Variants in KIAA0232 observed in about 807,000 individuals in gnomAD.
The protein encoded by KIAA0232 is uncharacterized protein KIAA0232.
KIAA0232 carries 27 observed loss-of-function variants against 122.0 expected under a neutral mutation model. The ratio of observed to expected loss-of-function variants is 0.22; its 90% confidence interval spans 0.16 to 0.31. The LOEUF is 0.31. Among genes scored for constraint, KIAA0232 ranks in the 10% least tolerant of loss-of-function variants. The pLI is 1.00. For missense variants in KIAA0232, 1,551 were observed against 1,634.2 expected (o/e 0.95, Z 0.88); for synonymous variants, 613 against 587.6 (o/e 1.04, Z -0.63).
chr4:6,827,986 C>G (rs1718780333), intron 3 of KIAA0232, among the ~76,000 whole-genome samples: 1 of 152,096 alleles, frequency 6.6e-6, no homozygotes, highest in Admixed American at 6.6e-5. Context: ...TCTCACCCAT[C>G]TTTCAAAGCG....
intron 1 of KIAA0232, among the ~76,000 whole-genome samples, chr4:6,783,187 G>GGGCCAGCCGAGGGAGGCCT (rs1215060935): frequency 1.3e-5 from 2 of 152,182 alleles, no homozygotes; most frequent in African/African-American, 2.4e-5. Flanking sequence ...GATGGCTCCG[G>GGGCCAGCCGAGGGAGGCCT]GGCCAGCCGA....
chr4:6,834,226 T>G (rs558533127), intron 3 of KIAA0232, among the ~76,000 whole-genome samples: 2 of 152,338 alleles, frequency 1.3e-5, no homozygotes, highest in South Asian at 4.1e-4. Context: ...TAGCTGGCAC[T>G]ACAGCTGTCT....
intron 7 of KIAA0232, among the ~76,000 whole-genome samples, chr4:6,868,905 T>C (rs1276363241): frequency 6.6e-6 from 1 of 152,170 alleles, no homozygotes. Context: ...AAATTTATGG[T>C]AGAAACTGGT....
intron 2 of KIAA0232, among the ~76,000 whole-genome samples, chr4:6,819,497 T>TA (rs1718318276): frequency 2.6e-5 from 4 of 151,950 alleles, no homozygotes; most frequent in Non-Finnish European, 4.4e-5. Context: ...AACAAATGTA[T>TA]AAAAAAAGTT....
chr4:6,865,118 C>T (rs1721101219), intron 7 of KIAA0232, among the ~76,000 whole-genome samples: 1 of 152,262 alleles, frequency 6.6e-6, no homozygotes, highest in South Asian at 2.1e-4. Context: ...TAATGAGAGT[C>T]ATTGTACCTC....
At chr4:6,836,651 A>C (rs1719296354) in intron 3 of KIAA0232, among the ~76,000 whole-genome samples, 1 of 150,510 alleles carries the variant, frequency 6.6e-6, no homozygotes, top group African/African-American at 2.4e-5. Flanking sequence ...GCAGATAAAC[A>C]TGTGAACAAA....
At chr4:6,870,892 G>C (rs537507572) in intron 7 of KIAA0232, among the ~76,000 whole-genome samples, 2 of 152,038 alleles carry the variant, frequency 1.3e-5, no homozygotes, top group African/African-American at 2.4e-5. Flanking sequence ...GGTTCCCCCT[G>C]TTCTCTTCAG....
rs975920953 is a variant in KIAA0232, at chr4:6,884,135, TAAAAG to T, written c.*3174_*3178del. On this transcript the variant is annotated 3_prime_UTR_variant, in exon 10 of 10. Coordinates refer to ENST00000307659, the MANE Select transcript of KIAA0232 (RefSeq NM_014743.3). Reference sequence around the variant, plus strand: ...TTTAAAAGTTCATGGAAAATGGAATTAAAAGAAAAATAAAAAAATATAAACTTTAT... The same window carrying T: ...TTTAAAAGTTCATGGAAAATGGAATTAAAAATAAAAAAATATAAACTTTAT... The T allele has an allele frequency of 3.9e-5, 6 of 152,098 alleles. No homozygotes were observed. Among genetic ancestry groups the T allele is most frequent in the Non-Finnish European group, 7.4e-5 (5 of 68,020 alleles). 9.4% of individuals were successfully genotyped at this position (152,098 alleles called of 1,614,324 possible). A position where few individuals can be genotyped will look rare whatever the true frequency, so the allele number is the denominator to read the frequency against.
Position 6,858,522 on chromosome 4 carries a change from T to C in KIAA0232, c.518+16T>C. ...AAGTGGAAATGTATGTAAGATTGTA[T>C]TCGGTAATAAAGTGTGCATTTGTTA... On this transcript the variant is annotated intron_variant, in intron 6 of 9. Coordinates refer to ENST00000307659, the MANE Select transcript of KIAA0232 (RefSeq NM_014743.3). The C allele has an allele frequency of 1.3e-6, 2 of 1,547,172 alleles. No individual in the cohort carries two copies. Among genetic ancestry groups the C allele is most frequent in the Non-Finnish European group, 8.9e-7 (1 of 1,127,042 alleles).
chr4:6,807,380 T>TA (rs1198701620), intron 2 of KIAA0232, among the ~76,000 whole-genome samples: 1 of 152,364 alleles, frequency 6.6e-6, no homozygotes, highest in East Asian at 1.9e-4. Context: ...CATATATACT[T>TA]ACGTGTTTAT....
At position 6,800,280 on chromosome 4, in the gene KIAA0232, A is replaced by G. The variant is rs183682464; in HGVS notation, c.-353-4243A>G. On this transcript the variant is annotated intron_variant, in intron 1 of 9. Transcript: ENST00000307659. ...ACCATTTTTGCCAGGCTGGTCTCGA[A>G]CTCCTGACCTCAGGTGATCTGCCTG... 3.0e-3 allele frequency among the ~76,000 whole-genome samples: 420 copies of G among 141,370 alleles called. 1 individual carries two copies. The highest frequency in any genetic ancestry group is 5.3e-3 in the Non-Finnish European group (346 of 65,114). The allele number at this position is 141,370 out of a possible 152,430, so 92.7% of individuals were successfully genotyped here.
chr4:6,879,625 G>A (rs1255016752), intron 9 of KIAA0232, among the ~76,000 whole-genome samples: 1 of 152,220 alleles, frequency 6.6e-6, no homozygotes, highest in African/African-American at 2.4e-5. Flanking sequence ...CTATGGCAGG[G>A]TGAGGGGAGC....
chr4:6,798,057 CAAA>C (rs549805628), intron 1 of KIAA0232, among the ~76,000 whole-genome samples: 3 of 97,936 alleles, frequency 3.1e-5, no homozygotes. Context: ...GACTCCGTCT[CAAA>C]AAAAAAAAAA....
intron 2 of KIAA0232, among the ~76,000 whole-genome samples, chr4:6,809,640 T>C (rs1438470776): frequency 1.8e-5 from 1 of 54,868 alleles, no homozygotes; most frequent in African/African-American, 6.4e-5. Context: ...GGTCAAATTA[T>C]ATCCCTGTTT....
intron 3 of KIAA0232, among the ~76,000 whole-genome samples, chr4:6,831,737 G>A (rs769169866): frequency 2.0e-5 from 3 of 152,206 alleles, no homozygotes; most frequent in Non-Finnish European, 4.4e-5. Flanking sequence ...GCTCAGAGGG[G>A]AGGCCAGCAG....
chr4:6,786,619 T>A (rs897470241), intron 1 of KIAA0232, among the ~76,000 whole-genome samples: 2 of 152,262 alleles, frequency 1.3e-5, no homozygotes, highest in African/African-American at 4.8e-5. Flanking sequence ...AGATGAAGTA[T>A]TTTTAATAAA....
At position 6,824,504 on chromosome 4, in the gene KIAA0232, C is replaced by T; in HGVS notation, c.51C>T (p.Ser17=). ...VVVDGLPSES[S]SSSYPGPVSV... is the part of the protein sequence containing the mutation. ...TGGATGGTTTGCCATCTGAAAGCTC[C>T]TCAAGTTCTTATCCAGGCCCTGTGT... Residue 17 remains serine, a synonymous_variant, in exon 3 of 10, where the codon TCC becomes TCT. Coordinates refer to ENST00000307659, the MANE Select transcript of KIAA0232 (RefSeq NM_014743.3). 1.9e-6 allele frequency: 3 copies of T among 1,614,198 alleles called. No homozygotes were observed. Among genetic ancestry groups the T allele is most frequent in the Non-Finnish European group, 2.5e-6 (3 of 1,180,042 alleles).
chr4:6,883,607 G>A lies in KIAA0232; in HGVS notation c.*2641G>A, dbSNP rs553641921. 1.3e-5 allele frequency: 2 copies of A among 152,294 alleles called. No individual in the cohort carries two copies. The highest frequency in any genetic ancestry group is 3.9e-4 in the East Asian group (2 of 5,194). 9.4% of individuals were successfully genotyped at this position (152,294 alleles called of 1,614,324 possible). A position where few individuals can be genotyped will look rare whatever the true frequency, so the allele number is the denominator to read the frequency against. On this transcript the variant is annotated 3_prime_UTR_variant, in exon 10 of 10. Coordinates refer to ENST00000307659, the MANE Select transcript of KIAA0232 (RefSeq NM_014743.3). The stretch of plus-strand genomic sequence containing the variant: ...CCATCTCACCCCCAGCACACGCAGG[G>A]ACTACTACCTGAGTCTGCAAAACAC...
chr4:6,823,577 A>T (rs1329682471), intron 2 of KIAA0232, among the ~76,000 whole-genome samples: 1 of 152,226 alleles, frequency 6.6e-6, no homozygotes, highest in African/African-American at 2.4e-5. Flanking sequence ...TATATAAAAC[A>T]TAAAGAACTA....
Sources: gnomAD v4.1 joint callset for allele counts (sites outside exome capture counted in the v4.1 genomes callset) on GRCh38, gnomAD v4.1.1 for gene constraint, MANE v1.5 for transcripts, NCBI Gene and HGNC (gene_info 2026-07-23, HGNC 2026-07-21) for gene names.